The following SMIM14 variants were observed in gnomAD, a reference collection of about 807,000 sequenced individuals.
SMIM14 encodes the protein small integral membrane protein 14.
Under a neutral mutation model 12.6 loss-of-function variants are expected in SMIM14, and 5 were observed. The observed-to-expected ratio is 0.40, with a 90% confidence interval of 0.21 to 0.83. SMIM14 has a LOEUF of 0.83. Among genes scored for constraint, SMIM14 ranks in the 40% least tolerant of loss-of-function variants. The probability of loss-of-function intolerance (pLI) is 0.37; values close to 1 mark genes in which losing one functional copy is unlikely to be tolerated. For synonymous variants in SMIM14, 30 were observed against 40.1 expected, an observed-to-expected ratio of 0.75 and a Z score of 0.95; for missense variants, 86 against 119.1, an observed-to-expected ratio of 0.72 and a Z score of 1.29.
chr4:39,597,034 C>A (rs1344535488), intron 2 of SMIM14, among the ~76,000 whole-genome samples: 1 of 151,484 alleles, frequency 6.6e-6, no homozygotes, highest in East Asian at 1.9e-4. Context: ...CCTTGGCCTC[C>A]CAAAGTGCTG....
chr4:39,553,142 A>C (rs1407275982), intron 4 of SMIM14, among the ~76,000 whole-genome samples: 1 of 147,364 alleles, frequency 6.8e-6, no homozygotes, highest in Non-Finnish European at 1.5e-5. Context: ...CTCACTGCAA[A>C]CTCCGCCTCC....
rs1711552986 is a variant in SMIM14, at chr4:39,549,360, C to G, written c.*2766G>C. On this transcript the variant is annotated 3_prime_UTR_variant, in exon 5 of 5. Transcript: ENST00000295958. ...AGTGCAGTGGCGTGATCTTGGCTTACTGCAACCTGTCTCCCAGGCTCAAGC... is the reference window on the plus strand; with the variant it reads ...AGTGCAGTGGCGTGATCTTGGCTTAGTGCAACCTGTCTCCCAGGCTCAAGC... 6.6e-6 allele frequency: 1 copy of G among 152,186 alleles called. No individual in the cohort carries two copies. Among genetic ancestry groups the G allele is most frequent in the Non-Finnish European group, 1.5e-5 (1 of 68,208 alleles). The allele number at this position is 152,186 out of a possible 1,614,324, so 9.4% of individuals were successfully genotyped here.
chr4:39,608,606 A>T (rs1362305830), intron 1 of SMIM14, among the ~76,000 whole-genome samples: 1 of 152,228 alleles, frequency 6.6e-6, no homozygotes, highest in Non-Finnish European at 1.5e-5. Flanking sequence ...AAATTCATGG[A>T]GACAGGAAGT....
chr4:39,582,460 T>C (rs1438709917), intron 2 of SMIM14, among the ~76,000 whole-genome samples: 3 of 150,952 alleles, frequency 2.0e-5, no homozygotes, highest in South Asian at 4.2e-4. Flanking sequence ...AGGTCAGAAG[T>C]TCCAGACCAG....
At chr4:39,589,058 T>G (rs968653171) in intron 2 of SMIM14, among the ~76,000 whole-genome samples, 3 of 152,126 alleles carry the variant, frequency 2.0e-5, no homozygotes, top group Non-Finnish European at 2.9e-5. Flanking sequence ...CCAAATCACA[T>G]TTTTACAGTA....
intron 1 of SMIM14, among the ~76,000 whole-genome samples, chr4:39,615,057 G>C (rs916032490): frequency 3.3e-5 from 5 of 152,134 alleles, no homozygotes; most frequent in African/African-American, 9.7e-5. Context: ...GTCTCTAAGA[G>C]ACAGAGGGAG....
At chr4:39,568,786 A>C (rs1712709361) in intron 3 of SMIM14, among the ~76,000 whole-genome samples, 1 of 152,190 alleles carries the variant, frequency 6.6e-6, no homozygotes, top group African/African-American at 2.4e-5. Context: ...AGAATATAAG[A>C]AAAATAATTC....
intron 2 of SMIM14, among the ~76,000 whole-genome samples, chr4:39,594,948 T>C (rs1646944349): frequency 6.6e-6 from 1 of 151,056 alleles, no homozygotes; most frequent in Non-Finnish European, 1.5e-5. Flanking sequence ...ACTTTTACAC[T>C]GTTGGTGGGA....
chr4:39,585,808 C>T (rs544520159), intron 2 of SMIM14, among the ~76,000 whole-genome samples: 2 of 152,170 alleles, frequency 1.3e-5, no homozygotes, highest in African/African-American at 4.8e-5. Flanking sequence ...AGAGGCCAAC[C>T]GGTGTGCTGA....
intron 2 of SMIM14, among the ~76,000 whole-genome samples, chr4:39,573,094 T>C: frequency 6.9e-6 from 1 of 145,750 alleles, no homozygotes. Context: ...ATTATTATTA[T>C]TATTATTTTA....
At chr4:39,557,319 C>A (rs1050207033) in intron 3 of SMIM14, among the ~76,000 whole-genome samples, 2 of 152,048 alleles carry the variant, frequency 1.3e-5, no homozygotes, top group African/African-American at 4.8e-5. Context: ...GCCCCACACC[C>A]CTAATTTTTT....
intron 3 of SMIM14, among the ~76,000 whole-genome samples, chr4:39,560,875 T>G (rs1560283268): frequency 6.6e-6 from 1 of 152,030 alleles, no homozygotes; most frequent in Non-Finnish European, 1.5e-5. Flanking sequence ...CAATTTTTCC[T>G]CCTAAATATC....
chr4:39,580,658 CT>C (rs1713450448), intron 2 of SMIM14, among the ~76,000 whole-genome samples: 1 of 152,064 alleles, frequency 6.6e-6, no homozygotes, highest in South Asian at 2.1e-4. Flanking sequence ...TCCCAAGTAG[CT>C]GGGATTACAG....
At chr4:39,577,823 G>A (rs947117097) in intron 2 of SMIM14, among the ~76,000 whole-genome samples, 1 of 152,166 alleles carries the variant, frequency 6.6e-6, no homozygotes, top group Non-Finnish European at 1.5e-5. Flanking sequence ...GCTAAGAGAA[G>A]CAACTTCATC....
At chr4:39,585,320 G>A (rs566429615) in intron 2 of SMIM14, among the ~76,000 whole-genome samples, 1 of 151,814 alleles carries the variant, frequency 6.6e-6, no homozygotes, top group East Asian at 1.9e-4. Context: ...ATTAGAGACA[G>A]AGTTTTGCTC....
chr4:39,594,240 A>G (rs1021516092), intron 2 of SMIM14: 2 of 152,242 alleles, frequency 1.3e-5, no homozygotes, highest in Non-Finnish European at 2.9e-5. Flanking sequence ...GCCCTCGGAA[A>G]TAACGCCGCA....
chr4:39,619,848 A>ATT (rs1206268499), intron 1 of SMIM14, among the ~76,000 whole-genome samples: 2 of 74,140 alleles, frequency 2.7e-5, no homozygotes, highest in African/African-American at 1.5e-4. Context: ...GTATATATAT[A>ATT]TTTATATATA....
chr4:39,605,188 G>T lies in SMIM14; in HGVS notation c.-35-8C>A. 3 of 1,525,062 alleles carry T rather than the reference G, an allele frequency of 2.0e-6. No individual in the cohort carries two copies. The highest frequency in any genetic ancestry group is 2.7e-6 in the Non-Finnish European group (3 of 1,130,922). 94.5% of individuals were successfully genotyped at this position (1,525,062 alleles called of 1,614,324 possible). A position where few individuals can be genotyped will look rare whatever the true frequency, so the allele number is the denominator to read the frequency against. On this transcript the variant is annotated splice_polypyrimidine_tract_variant and splice_region_variant and intron_variant, in intron 1 of 4. Coordinates refer to ENST00000295958, the MANE Select transcript of SMIM14 (RefSeq NM_174921.3). The stretch of plus-strand genomic sequence containing the variant: ...TTACTTGACTGTTTAAATCTAGGAG[G>T]AAGGAAAAAATACTGTTAAGTCTAC...
intron 3 of SMIM14, among the ~76,000 whole-genome samples, chr4:39,569,508 T>G (rs1712771324): frequency 6.6e-6 from 1 of 152,226 alleles, no homozygotes; most frequent in African/African-American, 2.4e-5. Flanking sequence ...TGGCAATATG[T>G]AAATAGCCTT....
Sources: allele counts gnomAD v4.1 joint callset (sites outside exome capture counted in the v4.1 genomes callset), GRCh38; gene constraint gnomAD v4.1.1; transcripts MANE v1.5; gene names NCBI Gene and HGNC (gene_info 2026-07-23, HGNC 2026-07-21).